Variants in PTK2 observed in about 807,000 individuals in gnomAD.
PTK2 encodes protein tyrosine kinase 2.
A neutral mutation model predicts 150.1 loss-of-function variants in PTK2; 45 were observed. The ratio of observed to expected loss-of-function variants is 0.30; its 90% CI spans 0.24 to 0.38. The LOEUF (loss-of-function observed/expected upper bound fraction) is 0.38, where lower values mean the gene tolerates loss of function less well. Among genes scored for constraint, PTK2 ranks in the 10% least tolerant of loss-of-function variants. The pLI, the probability that PTK2 is intolerant of heterozygous loss-of-function variation, is 1.00. For missense variants in PTK2, 919 were observed against 1,307.3 expected (o/e 0.70, Z 4.58); for synonymous variants, 432 against 449.2 (o/e 0.96, Z 0.48).
chr8:140,669,111 GCAACT>G (rs1455724877), intron 29 of PTK2: 4 of 152,086 alleles, frequency 2.6e-5, no homozygotes, highest in Admixed American at 2.6e-4. Flanking sequence ...TCTCACCCGG[GCAACT>G]GTGATCAGGG....
At chr8:140,839,417 AC>A (rs1430195883) in intron 7 of PTK2, among the ~76,000 whole-genome samples, 1 of 152,136 alleles carries the variant, frequency 6.6e-6, no homozygotes, top group Non-Finnish European at 1.5e-5. Context: ...AGATTGAGAC[AC>A]CCCAGTACCT....
At chr8:140,743,956 T>C (rs1252651169) in intron 19 of PTK2, among the ~76,000 whole-genome samples, 3 of 151,962 alleles carry the variant, frequency 2.0e-5, no homozygotes, top group Non-Finnish European at 4.4e-5. Flanking sequence ...TTTTTGTATT[T>C]TTAGTAGAGA....
intron 12 of PTK2, among the ~76,000 whole-genome samples, chr8:140,797,242 T>C (rs2100092200): frequency 6.6e-6 from 1 of 152,228 alleles, no homozygotes; most frequent in Non-Finnish European, 1.5e-5. Flanking sequence ...ATATATTCAC[T>C]GGACATTTGT....
intron 26 of PTK2, among the ~76,000 whole-genome samples, chr8:140,688,002 AAAGGG>A (rs2100020973): frequency 6.6e-6 from 1 of 152,276 alleles, no homozygotes; most frequent in East Asian, 1.9e-4. Context: ...CTAATCACTA[AAAGGG>A]GGCTCTGGCT....
intron 23 of PTK2, among the ~76,000 whole-genome samples, chr8:140,711,176 G>A (rs1443163924): frequency 3.3e-5 from 5 of 152,266 alleles, no homozygotes; most frequent in Non-Finnish European, 5.9e-5. Flanking sequence ...GCGTGATCTC[G>A]GCTCGCTGCA....
intron 3 of PTK2, among the ~76,000 whole-genome samples, chr8:140,882,913 T>C (rs2100149999): frequency 6.6e-6 from 1 of 152,188 alleles, no homozygotes; most frequent in Non-Finnish European, 1.5e-5. Flanking sequence ...CAGAGTATCA[T>C]TTATCTCACA....
intron 21 of PTK2, among the ~76,000 whole-genome samples, chr8:140,738,345 C>A (rs1332396546): frequency 6.6e-6 from 1 of 151,914 alleles, no homozygotes; most frequent in Non-Finnish European, 1.5e-5. Flanking sequence ...AGGGAAGTGC[C>A]ATTCATGTTA....
At chr8:140,915,301 C>T (rs2100164809) in intron 2 of PTK2, among the ~76,000 whole-genome samples, 1 of 152,090 alleles carries the variant, frequency 6.6e-6, no homozygotes, top group African/African-American at 2.4e-5. Flanking sequence ...TGGTGGCACA[C>T]ACCTGTAATC....
intron 29 of PTK2, among the ~76,000 whole-genome samples, chr8:140,670,670 C>G (rs574960740): frequency 6.6e-6 from 1 of 151,922 alleles, no homozygotes; most frequent in African/African-American, 2.4e-5. Context: ...AAAGCTCAAG[C>G]CAGGGCGCTA....
chr8:140,909,899 T>G (rs2100162429), intron 2 of PTK2, among the ~76,000 whole-genome samples: 1 of 152,186 alleles, frequency 6.6e-6, no homozygotes, highest in Non-Finnish European at 1.5e-5. Context: ...CTAACCTTAC[T>G]ATGGTAACAT....
intron 1 of PTK2, among the ~76,000 whole-genome samples, chr8:140,965,058 G>C (rs375119743): frequency 6.6e-6 from 1 of 152,134 alleles, no homozygotes; most frequent in Admixed American, 6.5e-5. Context: ...GTAATATGAA[G>C]AGTGTCGGCC....
At chr8:140,793,446 C>T in intron 12 of PTK2, 62 bp from the exon 13 acceptor site, 3 of 1,571,624 alleles carry the variant, frequency 1.9e-6, no homozygotes, top group Non-Finnish European at 2.6e-6. Flanking sequence ...AAGATGGTGC[C>T]TAGAATCAGG....
intron 1 of PTK2, among the ~76,000 whole-genome samples, chr8:140,975,461 T>C (rs2100188926): frequency 6.6e-6 from 1 of 152,146 alleles, no homozygotes; most frequent in African/African-American, 2.4e-5. Context: ...CACACCTCCA[T>C]GCCTTTGCAC....
intron 22 of PTK2, among the ~76,000 whole-genome samples, chr8:140,723,703 G>C (rs1313213532): frequency 6.6e-6 from 1 of 152,166 alleles, no homozygotes; most frequent in Admixed American, 6.5e-5. Flanking sequence ...CAGAATGGTG[G>C]TTTCCAAGTC....
chr8:140,872,624 G>C (rs1341194846), intron 4 of PTK2, among the ~76,000 whole-genome samples: 7 of 152,272 alleles, frequency 4.6e-5, no homozygotes, highest in Admixed American at 1.3e-4. Flanking sequence ...AGACCCTAAT[G>C]GTCAACAGAA....
At chr8:140,692,479 T>C (rs1179826055) in intron 26 of PTK2, among the ~76,000 whole-genome samples, 1 of 152,180 alleles carries the variant, frequency 6.6e-6, no homozygotes, top group Non-Finnish European at 1.5e-5. Context: ...TAGCCGGGCA[T>C]GGTGGCAGGC....
At chr8:140,688,332 T>G (rs1370258339) in intron 26 of PTK2, among the ~76,000 whole-genome samples, 1 of 152,180 alleles carries the variant, frequency 6.6e-6, no homozygotes, top group Non-Finnish European at 1.5e-5. Context: ...TTAACCTCCA[T>G]GCTACTATAT....
intron 1 of PTK2, among the ~76,000 whole-genome samples, chr8:140,995,676 G>A (rs1487458164): frequency 1.3e-5 from 2 of 151,860 alleles, no homozygotes; most frequent in East Asian, 1.9e-4. Context: ...GGCCATGGTG[G>A]TGCATGCCTG....
At chr8:140,965,035 T>C (rs964595777) in intron 1 of PTK2, among the ~76,000 whole-genome samples, 10 of 152,212 alleles carry the variant, frequency 6.6e-5, no homozygotes, top group East Asian at 1.9e-4. Flanking sequence ...TTTTTTGACA[T>C]TGCATGCATC....
Sources: gnomAD v4.1 joint callset for allele counts (sites outside exome capture counted in the v4.1 genomes callset) on GRCh38, gnomAD v4.1.1 for gene constraint, MANE v1.5 for transcripts, NCBI Gene and HGNC (gene_info 2026-07-23, HGNC 2026-07-21) for gene names.